The following CAB39 variants were observed in gnomAD, a reference collection of about 807,000 sequenced individuals.
CAB39 encodes the protein calcium-binding protein 39.
In CAB39, 8 loss-of-function variants were observed where a neutral mutation model predicts 40.0. The observed-to-expected ratio is 0.20, with a 90% confidence interval of 0.12 to 0.36. CAB39 has a LOEUF of 0.36. Ranked by LOEUF, CAB39 falls within the 10% of genes least tolerant of loss-of-function variation. CAB39 has a pLI of 1.00. For missense variants in CAB39, 270 were observed against 401.1 expected (o/e 0.67, Z 2.79); for synonymous variants, 156 against 141.6 (o/e 1.10, Z -0.72).
At chr2:230,774,727 C>T (rs1258421613) in intron 2 of CAB39, among the ~76,000 whole-genome samples, 1 of 152,164 alleles carries the variant, frequency 6.6e-6, no homozygotes, top group East Asian at 1.9e-4. Flanking sequence ...GTAGCCTCTT[C>T]ATAGCATGGC....
At chr2:230,791,333 A>G (rs1455859617) in intron 3 of CAB39, among the ~76,000 whole-genome samples, 1 of 152,192 alleles carries the variant, frequency 6.6e-6, no homozygotes, top group Non-Finnish European at 1.5e-5. Flanking sequence ...TCATTAGAGC[A>G]CTCTAGTACT....
At chr2:230,772,580 G>T (rs1317398552) in intron 2 of CAB39, among the ~76,000 whole-genome samples, 1 of 151,818 alleles carries the variant, frequency 6.6e-6, no homozygotes, top group Non-Finnish European at 1.5e-5. Context: ...CACCTCCCTG[G>T]TTCACACCAT....
At chr2:230,738,665 C>T (rs374168793) in intron 1 of CAB39, among the ~76,000 whole-genome samples, 6 of 152,178 alleles carry the variant, frequency 3.9e-5, no homozygotes, top group Non-Finnish European at 5.9e-5. Flanking sequence ...TACCACCATA[C>T]GACAGCCTTT....
intron 3 of CAB39, among the ~76,000 whole-genome samples, chr2:230,792,442 C>G (rs1368165249): frequency 6.6e-6 from 1 of 152,100 alleles, no homozygotes; most frequent in Non-Finnish European, 1.5e-5. Flanking sequence ...TTAGGTATAC[C>G]CTGGAAAGCT....
intron 8 of CAB39, chr2:230,818,101 G>T (rs1405165884): frequency 5.5e-6 from 3 of 542,406 alleles, no homozygotes; most frequent in Admixed American, 7.5e-5. Context: ...GAACGAGAAG[G>T]TTTGTTCATA....
chr2:230,773,753 G>A (rs559361845), intron 2 of CAB39, among the ~76,000 whole-genome samples: 2 of 152,290 alleles, frequency 1.3e-5, no homozygotes, highest in East Asian at 3.9e-4. Flanking sequence ...ACCATATAAT[G>A]TAACAAAAGG....
chr2:230,797,066 A>G (rs1473314721), intron 4 of CAB39, among the ~76,000 whole-genome samples: 2 of 152,220 alleles, frequency 1.3e-5, no homozygotes, highest in East Asian at 3.8e-4. Flanking sequence ...TGCTGTTGAT[A>G]CACTTGTGTG....
chr2:230,791,349 A>AAAT (rs1196395224), intron 3 of CAB39, among the ~76,000 whole-genome samples: 2 of 152,220 alleles, frequency 1.3e-5, no homozygotes, highest in South Asian at 2.1e-4. Flanking sequence ...GTACTCTAAT[A>AAAT]ATTCACTGGC....
intron 2 of CAB39, among the ~76,000 whole-genome samples, chr2:230,773,314 A>ATATATATATGTGTG (rs371297550): frequency 4.5e-5 from 6 of 132,632 alleles, no homozygotes; most frequent in African/African-American, 1.9e-4. Flanking sequence ...ATATATATAT[A>ATATATATATGTGTG]TGTGTGTGTG....
intron 1 of CAB39, among the ~76,000 whole-genome samples, chr2:230,715,524 A>G (rs542610082): frequency 1.6e-3 from 240 of 152,290 alleles, no homozygotes; most frequent in Non-Finnish European, 2.5e-3. Context: ...ACAGACGGCG[A>G]TGCAGTGTCC....
intron 2 of CAB39, among the ~76,000 whole-genome samples, chr2:230,781,686 G>A (rs1190309215): frequency 6.6e-6 from 1 of 152,158 alleles, no homozygotes; most frequent in Non-Finnish European, 1.5e-5. Flanking sequence ...TACTCAGTAG[G>A]TGTGAGGGGA....
intron 2 of CAB39, among the ~76,000 whole-genome samples, chr2:230,776,059 G>A (rs980888391): frequency 6.7e-6 from 1 of 149,262 alleles, no homozygotes; most frequent in Non-Finnish European, 1.5e-5. Context: ...AACAGAATTT[G>A]AAACAACCTA....
In CAB39 at chr2:230,814,127, A is replaced by G. The variant is rs112674587; in HGVS notation, c.693+13A>G. On this transcript the variant is annotated intron_variant, in intron 7 of 8. Transcript: ENST00000258418. ...ACAGTCACTGAAGGTATGACAGACC[A>G]TTTTGTATAGCTTATTTCTCTGTAC... is the stretch of plus-strand genomic sequence containing the variant. 4 of 1,330,482 alleles carry G rather than the reference A, an allele frequency of 3.0e-6. No individual in the cohort carries two copies. The highest frequency in any genetic ancestry group is 4.2e-6 in the Non-Finnish European group (4 of 946,314). 82.4% of individuals were successfully genotyped at this position (1,330,482 alleles called of 1,614,324 possible).
chr2:230,723,015 A>G (rs1396527446), intron 1 of CAB39, among the ~76,000 whole-genome samples: 4 of 152,338 alleles, frequency 2.6e-5, no homozygotes, highest in East Asian at 1.9e-4. Flanking sequence ...CAATTTTGTT[A>G]AAAGAATGAA....
rs1696456392 is a variant in CAB39 at position 230,819,042 on chromosome 2, T to G, written c.*338T>G. ...GCACTGATATCAGATTAGACCTATG[T>G]GTTTGCACCCATCTTTGTTGGCGAT... On this transcript the variant is annotated 3_prime_UTR_variant, in exon 9 of 9. Transcript: ENST00000258418. The G allele has an allele frequency of 5.5e-6, 1 of 181,540 alleles. No individual in the cohort carries two copies. The highest frequency in any genetic ancestry group is 1.2e-5 in the Non-Finnish European group (1 of 86,006). The allele number at this position is 181,540 out of a possible 1,614,324, so 11.2% of individuals were successfully genotyped here. A position where few individuals can be genotyped will look rare whatever the true frequency, so the allele number is the denominator to read the frequency against.
chr2:230,817,993 C>G (rs1191911748), intron 8 of CAB39, 96 bp downstream of exon 8: 31 of 1,092,272 alleles, frequency 2.8e-5, no homozygotes, highest in Non-Finnish European at 2.9e-5. Context: ...CTCTGGTAAT[C>G]CAGGTGACTT....
intron 7 of CAB39, among the ~76,000 whole-genome samples, chr2:230,814,652 A>G (rs1219638056): frequency 6.6e-6 from 1 of 152,166 alleles, no homozygotes; most frequent in Non-Finnish European, 1.5e-5. Context: ...TTTGTAAGTA[A>G]AGTTTTACTG....
At chr2:230,808,536 G>C (rs1273510726) in intron 5 of CAB39, among the ~76,000 whole-genome samples, 1 of 152,198 alleles carries the variant, frequency 6.6e-6, no homozygotes, top group Non-Finnish European at 1.5e-5. Context: ...ACCACGGTAC[G>C]AAGATAATGG....
intron 1 of CAB39, among the ~76,000 whole-genome samples, chr2:230,716,346 C>G (rs1023864972): frequency 2.0e-5 from 3 of 152,216 alleles, no homozygotes; most frequent in South Asian, 2.1e-4. Context: ...TGTGGGATTA[C>G]AGATTTCTTT....
Sources: gnomAD v4.1 joint callset for allele counts (sites outside exome capture counted in the v4.1 genomes callset) on GRCh38, gnomAD v4.1.1 for gene constraint, MANE v1.5 for transcripts, NCBI Gene and HGNC (gene_info 2026-07-23, HGNC 2026-07-21) for gene names.